The following SLC4A9 variants were observed in gnomAD, a reference collection of about 807,000 sequenced individuals.
SLC4A9 encodes anion exchange protein 4.
A neutral mutation model predicts 103.2 loss-of-function variants in SLC4A9; 102 were observed. That is an observed-to-expected ratio of 0.99 (90% CI 0.84 to 1.17). SLC4A9 has a LOEUF of 1.17. SLC4A9 is among the 50% of genes most tolerant of loss of function. The pLI is 0.00. For synonymous variants in SLC4A9, 453 were observed against 483.6 expected (o/e 0.94, Z 0.83); for missense variants, 1,091 against 1,193.7 (o/e 0.91, Z 1.27).
chr5:140,372,311 G>C lies in SLC4A9; in HGVS notation c.2740G>C (p.Asp914His). ...VFSPQELLWL[D>H]ELMPEEERSI... ...CTCACCACAGGAACTCCTCTGGCTG[G>C]ATGAGCTGATGCCAGAGGAGGAGAG... is the stretch of plus-strand genomic sequence containing the variant. Residue 914 changes from aspartate (D) to histidine (H), a missense_variant, in exon 20 of 22, where the codon GAT (aspartate) becomes CAT (histidine). Asp to His is a moderately conservative substitution (Grantham distance 81). Transcript: ENST00000506757. 6.2e-7 allele frequency: 1 copy of C among 1,609,676 alleles called. No homozygotes were observed. The highest frequency in any genetic ancestry group is 8.5e-7 in the Non-Finnish European group (1 of 1,178,844).
intron 3 of SLC4A9, 77 bp from the exon 4 acceptor site, chr5:140,361,731 C>T (rs1767110610): frequency 4.6e-6 from 7 of 1,537,556 alleles, no homozygotes; most frequent in Non-Finnish European, 6.3e-6. Flanking sequence ...TTGTCAGTGG[C>T]AAAAGTGATT....
chr5:140,365,559 G>C lies in SLC4A9; in HGVS notation c.1691G>C (p.Arg564Thr). 6 of 1,612,318 alleles carry C rather than the reference G, an allele frequency of 3.7e-6. No individual in the cohort carries two copies. The highest frequency in any genetic ancestry group is 5.1e-6 in the Non-Finnish European group (6 of 1,179,204). ...SQWIRTRPKD[R>T]DDIVSMDLGL... ...TGGATAAGGACAAGGCCAAAAGACA[G>C]AGACGACATTGTAAGCATGGTGAGG... The change falls in exon 12 of 22, where the codon AGA (arginine) becomes ACA (threonine). Residue 564 changes from arginine to threonine, a missense_variant. By Grantham distance (71) the Arg-to-Thr change is moderately conservative (BLOSUM62 -1). Coordinates refer to ENST00000506757, the MANE Select transcript of SLC4A9 (RefSeq NM_031467.3).
intron 16 of SLC4A9, 115 bp downstream of exon 16, chr5:140,368,013 G>A: frequency 9.2e-7 from 1 of 1,085,186 alleles, no homozygotes; most frequent in Non-Finnish European, 1.3e-6. Flanking sequence ...CACAAGCATT[G>A]CAGTGGCAGA....
At position 140,367,471 on chromosome 5, in the gene SLC4A9, T is replaced by C. The variant is rs1158684037; in HGVS notation, c.2065T>C (p.Trp689Arg). 1 of 1,609,190 alleles carries C rather than the reference T, an allele frequency of 6.2e-7. No individual in the cohort carries two copies. Among genetic ancestry groups the C allele is most frequent in the African/African-American group, 1.3e-5 (1 of 74,810 alleles). The change falls in exon 15 of 22, where the codon TGG (tryptophan) becomes CGG (arginine). Residue 689 changes from tryptophan to arginine, a missense_variant. Trp to Arg is a moderately radical substitution (Grantham distance 101). Coordinates refer to ENST00000506757, the MANE Select transcript of SLC4A9 (RefSeq NM_031467.3). ...WLVSPFGANPWWWSVAAALPA... is the reference protein window; with the variant it reads ...WLVSPFGANPRWWSVAAALPA... Reference sequence around the variant, plus strand: ...GGTGTCACCTTTTGGAGCCAACCCCTGGTGGTGGAGTGTGGCAGCTGCCCT... The same window carrying C: ...GGTGTCACCTTTTGGAGCCAACCCCCGGTGGTGGAGTGTGGCAGCTGCCCT...
chr5:140,365,259 C>T (rs1036217399), intron 11 of SLC4A9, among the ~76,000 whole-genome samples: 1 of 152,226 alleles, frequency 6.6e-6, no homozygotes, highest in Non-Finnish European at 1.5e-5. Context: ...GTATACTCCT[C>T]TATTCAGCCA....
chr5:140,364,728 G>A, intron 11 of SLC4A9, 103 bp downstream of exon 11: 3 of 1,388,116 alleles, frequency 2.2e-6, no homozygotes, highest in South Asian at 1.4e-5. Context: ...GCAAAATGCT[G>A]CATACTTACC....
intron 19 of SLC4A9, 24 bp from the exon 20 acceptor site, chr5:140,372,218 T>C (rs1285431879): frequency 6.5e-7 from 1 of 1,533,700 alleles, no homozygotes; most frequent in Non-Finnish European, 8.7e-7. Context: ...CTGACAGGCC[T>C]GGGCCATGTT....
Position 140,371,477 on chromosome 5 carries a change from G to A in SLC4A9, c.2523G>A (p.Leu841=). 1 of 1,613,982 alleles carries A rather than the reference G, an allele frequency of 6.2e-7. No individual in the cohort carries two copies. The highest frequency in any genetic ancestry group is 8.5e-7 in the Non-Finnish European group (1 of 1,179,882). Residue 841 remains leucine, a synonymous_variant, in exon 19 of 22, where the codon TTG becomes TTA. Coordinates refer to ENST00000506757, the MANE Select transcript of SLC4A9 (RefSeq NM_031467.3). ...IQFTNRVKLL[L]MPAKHQPDLL... ...TCACTAATAGGGTGAAGCTGTTGTT[G>A]ATGCCAGCAAAACACCAGCCAGACC...
Position 140,367,763 on chromosome 5 carries a change from T to C in SLC4A9, c.2219T>C (p.Leu740Pro). 2 of 1,614,002 alleles carry C rather than the reference T, an allele frequency of 1.2e-6. No individual in the cohort carries two copies. Among genetic ancestry groups the C allele is most frequent in the Non-Finnish European group, 1.7e-6 (2 of 1,179,884 alleles). The change falls in exon 16 of 22, where the codon CTG becomes CCG. Residue 740 changes from leucine to proline, a missense_variant. Leu to Pro is a moderately conservative substitution (Grantham distance 98). Coordinates refer to ENST00000506757, the MANE Select transcript of SLC4A9 (RefSeq NM_031467.3). ...CTGGACCTCTTCTGTGTGGCTGTGC[T>C]GATGCTACTCACATCAGCGCTTGGA... ...FHLDLFCVAV[L>P]MLLTSALGLP...
Position 140,368,605 on chromosome 5 carries a change from C to T in SLC4A9, c.2373C>T (p.Gly791=), listed in dbSNP as rs763132568. ...FLGIREQRLT[G]LVVFILTGAS... ...CCCACAGGGAACAGAGGCTGACAGG[C>T]CTGGTGGTGTTCATCCTTACAGGAG... is the stretch of plus-strand genomic sequence containing the variant. The change falls in exon 17 of 22, where the codon GGC becomes GGT. Residue 791 remains glycine (G), a synonymous_variant. Transcript: ENST00000506757. 1 of 1,613,266 alleles carries T rather than the reference C, an allele frequency of 6.2e-7. No individual in the cohort carries two copies. Among genetic ancestry groups the T allele is most frequent in the East Asian group, 2.2e-5 (1 of 44,878 alleles).
At position 140,361,864 on chromosome 5, in the gene SLC4A9, G is replaced by T. The variant is rs774307100; in HGVS notation, c.561+1G>T. The T allele has an allele frequency of 3.1e-6, 5 of 1,613,794 alleles. No homozygotes were observed. In the South Asian group the frequency reaches 4.4e-5, roughly 14 times the overall value. ...TGAGGAAGCCCCCCTGAGGGAACAG[G>T]TTTGTGGCCCTTCCTTGGGGTCCCT... On this transcript the variant is annotated splice_donor_variant, in intron 4 of 21. Transcript: ENST00000506757. LOFTEE classifies it high-confidence loss of function.
chr5:140,374,443 C>T (rs568486106), intron 21 of SLC4A9, among the ~76,000 whole-genome samples: 2 of 150,168 alleles, frequency 1.3e-5, no homozygotes, highest in Admixed American at 6.7e-5. Flanking sequence ...ACCTGTAATC[C>T]CAGCTACTGG....
At chr5:140,362,800 G>C in intron 6 of SLC4A9, 112 bp from the exon 7 acceptor site, 1 of 1,359,666 alleles carries the variant, frequency 7.4e-7, no homozygotes, top group Non-Finnish European at 1.1e-6. Flanking sequence ...AAAGGAATGT[G>C]TGAATGACTT....
At position 140,363,859 on chromosome 5, in the gene SLC4A9, T is replaced by A; in HGVS notation, c.1211T>A (p.Ile404Asn). The A allele has an allele frequency of 6.2e-7, 1 of 1,613,968 alleles. No homozygotes were observed. The highest frequency in any genetic ancestry group is 8.5e-7 in the Non-Finnish European group (1 of 1,179,868). The change falls in exon 9 of 22, where the codon ATC (isoleucine) becomes AAC (asparagine). Residue 404 changes from isoleucine to asparagine, a missense_variant. Coordinates refer to ENST00000506757, the MANE Select transcript of SLC4A9 (RefSeq NM_031467.3). This position sits in a 1 kb window ranked among gnomAD's most constrained non-coding sequence, Gnocchi z 4.5. ...YIYLATVTNAITFGGLLGDAT... is the reference protein window; with the variant it reads ...YIYLATVTNANTFGGLLGDAT... ...TACCTGGCCACTGTCACTAATGCCA[T>A]CACTTTTGGGGGTCTGCTGGGAGAT...
intron 21 of SLC4A9, 83 bp downstream of exon 21, chr5:140,372,926 G>T: frequency 1.2e-6 from 1 of 803,742 alleles, no homozygotes; most frequent in Non-Finnish European, 1.9e-6. Context: ...GTGTTGGCCA[G>T]CCCTGTTTTC....
At chr5:140,362,622 G>T (rs375172838) in intron 6 of SLC4A9, 90 bp downstream of exon 6, 10 of 1,176,438 alleles carry the variant, frequency 8.5e-6, no homozygotes, top group Non-Finnish European at 1.3e-5. Context: ...GCTCATGTGA[G>T]TGTGTGTGTG....
At position 140,360,216 on chromosome 5, in the gene SLC4A9, C is replaced by T; in HGVS notation, c.-21C>T. On this transcript the variant is annotated 5_prime_UTR_variant, in exon 1 of 22. Coordinates refer to ENST00000506757, the MANE Select transcript of SLC4A9 (RefSeq NM_031467.3). The stretch of plus-strand genomic sequence containing the variant: ...TTCAGAACCTAGGACTGTACTGGTT[C>T]TGAGATTCTGTGCAAGCCTCATGGA... 1 of 1,600,396 alleles carries T rather than the reference C, an allele frequency of 6.2e-7. No homozygotes were observed. Among genetic ancestry groups the T allele is most frequent in the Non-Finnish European group, 8.5e-7 (1 of 1,172,270 alleles).
At chr5:140,361,229 A>T in intron 2 of SLC4A9, 25 bp from the exon 3 acceptor site, 1 of 1,536,804 alleles carries the variant, frequency 6.5e-7, no homozygotes, top group Non-Finnish European at 8.8e-7. Flanking sequence ...CTCAGGAAGG[A>T]GATGACCCCC....
In SLC4A9 at chr5:140,360,355, C is replaced by A; in HGVS notation, c.119C>A (p.Pro40His). 2 of 1,610,794 alleles carry A rather than the reference C, an allele frequency of 1.2e-6. No homozygotes were observed. The highest frequency in any genetic ancestry group is 1.3e-5 in the African/African-American group (1 of 74,926). Residue 40 changes from proline (P) to histidine (H), a missense_variant, in exon 1 of 22, where the codon CCC becomes CAC. Coordinates refer to ENST00000506757, the MANE Select transcript of SLC4A9 (RefSeq NM_031467.3). ...GGCACCGGCCCCAGCCCTGATGGCCCCTCAGACACAGAGAGCAAGGAACTG... is the reference window on the plus strand; with the variant it reads ...GGCACCGGCCCCAGCCCTGATGGCCACTCAGACACAGAGAGCAAGGAACTG... ...DPGTGPSPDG[P>H]SDTESKELGV...
Sources: allele counts gnomAD v4.1 joint callset (sites outside exome capture counted in the v4.1 genomes callset), GRCh38; gene constraint gnomAD v4.1.1; non-coding constraint Gnocchi (gnomAD v3.1); transcripts MANE v1.5; gene names NCBI Gene and HGNC (gene_info 2026-07-23, HGNC 2026-07-21).